DMD: variants seen among roughly 807,000 people sequenced by gnomAD.
DMD encodes the protein mutant dystrophin.
A neutral mutation model predicts 330.1 loss-of-function variants in DMD; 63 were observed. The observed-to-expected ratio is 0.19, with a 90% CI of 0.16 to 0.24. The LOEUF is 0.24. Ranked by LOEUF, DMD falls within the 10% of genes least tolerant of loss-of-function variation. The pLI is 1.00. For synonymous variants in DMD, 1,223 were observed against 959.8 expected (o/e 1.27, Z -5.07); for missense variants, 3,344 against 2,684.1 (o/e 1.25, Z -5.43).
At chrX:31,310,647 G>A (rs983450805) in intron 62 of DMD, among the ~76,000 whole-genome samples, 2 of 110,245 alleles carry the variant, frequency 1.8e-5, no homozygotes, top group Non-Finnish European at 3.8e-5. Context: ...GGCCCCCTGG[G>A]CTCAAGCAAT....
chrX:32,860,863 C>T (rs981978776), intron 2 of DMD, among the ~76,000 whole-genome samples: 4 of 111,427 alleles, frequency 3.6e-5, no homozygotes, highest in African/African-American at 1.3e-4. Flanking sequence ...TGAAAGGAGT[C>T]ACCTAAAGAT....
At chrX:31,625,838 C>T (rs1175798532) in intron 55 of DMD, among the ~76,000 whole-genome samples, 2 of 111,269 alleles carry the variant, frequency 1.8e-5, no homozygotes, top group Admixed American at 1.9e-4. Context: ...TTTATTAAAT[C>T]CCTGACATAA....
chrX:32,967,471 T>C (rs1038883658), intron 2 of DMD, among the ~76,000 whole-genome samples: 5 of 112,081 alleles, frequency 4.5e-5, no homozygotes, highest in African/African-American at 1.6e-4. Context: ...TCATGCATCC[T>C]ATTTGAGTGT....
chrX:31,799,962 A>G (rs895771694), intron 50 of DMD, among the ~76,000 whole-genome samples: 4 of 113,039 alleles, frequency 3.5e-5, no homozygotes, highest in African/African-American at 1.3e-4. Flanking sequence ...TGCTGATGCA[A>G]GAGGTGGGCT....
intron 12 of DMD, among the ~76,000 whole-genome samples, chrX:32,606,822 C>T (rs180727049): frequency 2.5e-4 from 27 of 107,778 alleles, no homozygotes; most frequent in African/African-American, 8.3e-4. Context: ...AGTATGAAAT[C>T]CTGTCTTTTG....
chrX:32,692,265 A>T (rs181251075), intron 9 of DMD, among the ~76,000 whole-genome samples: 59 of 112,392 alleles, frequency 5.2e-4, no homozygotes, highest in African/African-American at 1.6e-3. Flanking sequence ...CAGTTTTAAA[A>T]TTCTACTCAG....
intron 55 of DMD, among the ~76,000 whole-genome samples, chrX:31,521,099 A>G (rs1450907892): frequency 8.9e-6 from 1 of 111,927 alleles, no homozygotes; most frequent in Non-Finnish European, 1.9e-5. Context: ...CTTATGAAGA[A>G]CTAGAACAGA....
intron 17 of DMD, among the ~76,000 whole-genome samples, chrX:32,521,912 C>T (rs1362011159): frequency 9.0e-6 from 1 of 111,499 alleles, no homozygotes; most frequent in Non-Finnish European, 1.9e-5. Context: ...TGAAATGAGT[C>T]CCCTTAAAAT....
chrX:31,293,210 T>TGA lies in DMD; in HGVS notation c.9224+30387_9224+30388insTC, dbSNP rs2053875539. 4.6e-5 allele frequency among the ~76,000 whole-genome samples: 4 copies of TGA among 87,864 alleles called. 1 individual carries two copies. The highest frequency in any genetic ancestry group is 1.6e-4 in the African/African-American group (3 of 19,189). The allele number at this position is 87,864 out of a possible 115,157, so 76.3% of individuals were successfully genotyped here. On this transcript the variant is annotated intron_variant, in intron 62 of 78. Coordinates refer to ENST00000357033, the MANE Select transcript of DMD (RefSeq NM_004006.3). ...TGTGTGTGTAGTCTGGTTTAGTGTG[T>TGA]GTGTGTGTGTGTGTGTGTGTGTGTG...
At chrX:33,059,635 T>G (rs1329778346) in intron 1 of DMD, among the ~76,000 whole-genome samples, 1 of 111,640 alleles carries the variant, frequency 9.0e-6, no homozygotes, top group Non-Finnish European at 1.9e-5. Flanking sequence ...TTGAGAGAGA[T>G]ATAAAACCAT....
intron 44 of DMD, among the ~76,000 whole-genome samples, chrX:32,192,108 A>G (rs945651422): frequency 1.8e-5 from 2 of 112,085 alleles, no homozygotes; most frequent in Admixed American, 9.5e-5. Flanking sequence ...AAATATCAGG[A>G]AGCAAAATTG....
At chrX:32,634,940 T>TA (rs2058991901) in intron 11 of DMD, among the ~76,000 whole-genome samples, 1 of 111,759 alleles carries the variant, frequency 8.9e-6, no homozygotes, top group South Asian at 3.7e-4. Context: ...CCTTGTGGCC[T>TA]AGACTACCTT....
intron 11 of DMD, among the ~76,000 whole-genome samples, chrX:32,618,112 C>G (rs1316134755): frequency 8.9e-6 from 1 of 111,815 alleles, no homozygotes; most frequent in Non-Finnish European, 1.9e-5. Flanking sequence ...TGTGGTGATT[C>G]CACAAAGACC....
At chrX:31,348,172 A>G (rs2058201546) in intron 61 of DMD, 1 of 201,749 alleles carries the variant, frequency 5.0e-6, no homozygotes, top group African/African-American at 3.0e-5. Flanking sequence ...GGCAGAAATT[A>G]AAAACTCAAA....
chrX:32,829,306 A>G (rs1015696068), intron 4 of DMD, among the ~76,000 whole-genome samples: 1 of 111,644 alleles, frequency 9.0e-6, no homozygotes, highest in Non-Finnish European at 1.9e-5. Flanking sequence ...AACCTACTAA[A>G]TGTTTTCTGA....
intron 62 of DMD, among the ~76,000 whole-genome samples, chrX:31,309,519 G>A (rs1197465212): frequency 9.0e-6 from 1 of 111,426 alleles, no homozygotes; most frequent in Non-Finnish European, 1.9e-5. Context: ...TCTTGCTCAT[G>A]GCAAAGATAA....
intron 1 of DMD, among the ~76,000 whole-genome samples, chrX:33,129,325 CTTTTTTTTTTTTTTTTTTTT>C (rs58505662): frequency 9.8e-5 from 3 of 30,715 alleles, no homozygotes; most frequent in African/African-American, 4.2e-4. Flanking sequence ...TTAAGGTTTG[CTTTTTTTTTTTTTTTTTTTT>C]TTTTTTTTTT....
At chrX:31,420,190 T>C (rs964297459) in intron 60 of DMD, among the ~76,000 whole-genome samples, 6 of 112,513 alleles carry the variant, frequency 5.3e-5, no homozygotes, top group Non-Finnish European at 1.1e-4. Context: ...AAGTAGAAAA[T>C]AATACATTTA....
At chrX:32,701,930 A>T (rs1161677283) in intron 7 of DMD, among the ~76,000 whole-genome samples, 1 of 111,935 alleles carries the variant, frequency 8.9e-6, no homozygotes, top group Non-Finnish European at 1.9e-5. Flanking sequence ...TTATTTAACC[A>T]AACTATTGCC....
Sources: gnomAD v4.1 joint callset for allele counts (sites outside exome capture counted in the v4.1 genomes callset) on GRCh38, gnomAD v4.1.1 for gene constraint, MANE v1.5 for transcripts, NCBI Gene and HGNC (gene_info 2026-07-23, HGNC 2026-07-21) for gene names.